Variants in NKAIN2 observed in about 807,000 individuals in gnomAD.
NKAIN2 encodes sodium/potassium-transporting ATPase subunit beta-1-interacting protein 2.
In NKAIN2, 14 loss-of-function variants were observed where a neutral mutation model predicts 32.6. The ratio of observed to expected loss-of-function variants is 0.43; its 90% CI spans 0.28 to 0.67. The LOEUF is 0.67. Ranked by LOEUF, NKAIN2 falls within the 30% of genes least tolerant of loss-of-function variation. The probability of loss-of-function intolerance (pLI) is 0.17; values close to 1 mark genes in which losing one functional copy is unlikely to be tolerated. For missense variants in NKAIN2, 198 were observed against 258.3 expected, an observed-to-expected ratio of 0.77 and a Z score of 1.60; for synonymous variants, 80 against 87.2, an observed-to-expected ratio of 0.92 and a Z score of 0.46.
At chr6:124,731,417 G>A (rs1277757265) in intron 4 of NKAIN2, among the ~76,000 whole-genome samples, 2 of 150,936 alleles carry the variant, frequency 1.3e-5, no homozygotes, top group Admixed American at 6.6e-5. Context: ...TAGGGACATG[G>A]ATGAAATTGG....
intron 1 of NKAIN2, among the ~76,000 whole-genome samples, chr6:124,187,762 G>GTTTTCCTCTGCCATACCTTCT (rs1789817366): frequency 6.6e-6 from 1 of 152,142 alleles, no homozygotes; most frequent in African/African-American, 2.4e-5. Flanking sequence ...TTCAAGTTCA[G>GTTTTCCTCTGCCATACCTTCT]TTTTCCTCTG....
At chr6:124,308,032 G>T (rs1049455006) in intron 2 of NKAIN2, among the ~76,000 whole-genome samples, 1 of 151,910 alleles carries the variant, frequency 6.6e-6, no homozygotes, top group Non-Finnish European at 1.5e-5. Flanking sequence ...GTGTAGGTTT[G>T]TTACATAGGT....
At chr6:124,541,068 T>C (rs1212564912) in intron 3 of NKAIN2, among the ~76,000 whole-genome samples, 1 of 152,216 alleles carries the variant, frequency 6.6e-6, no homozygotes, top group Non-Finnish European at 1.5e-5. Flanking sequence ...AACTATTTAG[T>C]ACTCAGTAAA....
intron 3 of NKAIN2, among the ~76,000 whole-genome samples, chr6:124,642,878 C>T (rs1300167980): frequency 6.6e-6 from 1 of 152,090 alleles, no homozygotes. Flanking sequence ...CTGACTTGGT[C>T]CCATTCTTAA....
At chr6:123,850,361 T>C (rs1300948034) in intron 1 of NKAIN2, among the ~76,000 whole-genome samples, 1 of 135,644 alleles carries the variant, frequency 7.4e-6, no homozygotes, top group Non-Finnish European at 1.6e-5. Flanking sequence ...AAAAAATATA[T>C]ATATATATAT....
At chr6:124,546,869 A>G (rs984593146) in intron 3 of NKAIN2, among the ~76,000 whole-genome samples, 5 of 152,192 alleles carry the variant, frequency 3.3e-5, no homozygotes, top group Non-Finnish European at 7.3e-5. Context: ...AGATAAACAG[A>G]GAGAAAGCAG....
At chr6:124,012,824 C>G (rs541927681) in intron 1 of NKAIN2, among the ~76,000 whole-genome samples, 74 of 152,136 alleles carry the variant, frequency 4.9e-4, no homozygotes, top group African/African-American at 1.7e-3. Context: ...ATGGATGTTG[C>G]TTTCCTTTCT....
At chr6:124,045,849 A>G (rs1782096631) in intron 1 of NKAIN2, among the ~76,000 whole-genome samples, 1 of 152,042 alleles carries the variant, frequency 6.6e-6, no homozygotes, top group South Asian at 2.1e-4. Flanking sequence ...TAGCTTAATA[A>G]TCTTTTCATA....
At chr6:124,537,681 G>T (rs919494895) in intron 3 of NKAIN2, among the ~76,000 whole-genome samples, 1 of 152,054 alleles carries the variant, frequency 6.6e-6, no homozygotes, top group African/African-American at 2.4e-5. Context: ...AATTCTGCTG[G>T]ATTCTGCTTC....
chr6:124,362,687 T>C (rs1799340358), intron 3 of NKAIN2, among the ~76,000 whole-genome samples: 1 of 152,108 alleles, frequency 6.6e-6, no homozygotes. Context: ...GTCAATTCTA[T>C]TGTCACCTTA....
intron 1 of NKAIN2, among the ~76,000 whole-genome samples, chr6:124,025,000 T>G (rs1781041579): frequency 6.6e-6 from 1 of 151,412 alleles, no homozygotes; most frequent in African/African-American, 2.4e-5. Flanking sequence ...AAAAAAGTGC[T>G]TTTCCTACTT....
intron 3 of NKAIN2, among the ~76,000 whole-genome samples, chr6:124,550,882 G>C (rs1000335838): frequency 6.6e-6 from 1 of 152,192 alleles, no homozygotes; most frequent in Non-Finnish European, 1.5e-5. Context: ...TTGTTAATGA[G>C]TGTTAGTCAA....
At chr6:123,829,343 G>A (rs571870855) in intron 1 of NKAIN2, 11 of 152,258 alleles carry the variant, frequency 7.2e-5, no homozygotes, top group African/African-American at 2.4e-4. Flanking sequence ...CATCCTGTGG[G>A]TGTCTCAAAG....
At chr6:124,658,683 G>A (rs1784633387) in intron 4 of NKAIN2, 1 of 592,948 alleles carries the variant, frequency 1.7e-6, no homozygotes, top group South Asian at 2.8e-5. Flanking sequence ...CAAGGATTCT[G>A]AAGGGATGAT....
intron 4 of NKAIN2, among the ~76,000 whole-genome samples, chr6:124,673,922 T>C (rs76673619): frequency 0.059 from 8,989 of 152,034 alleles, 362 homozygotes; most frequent in African/African-American, 0.11. Context: ...TTGCTTGTGC[T>C]TTTTATTTCA....
At chr6:124,452,203 A>T (rs1776137662) in intron 3 of NKAIN2, among the ~76,000 whole-genome samples, 1 of 151,932 alleles carries the variant, frequency 6.6e-6, no homozygotes. Context: ...TCGAAAAAAA[A>T]AAAAAAAACT....
chr6:124,730,709 T>A (rs1776620701), intron 4 of NKAIN2, among the ~76,000 whole-genome samples: 1 of 150,948 alleles, frequency 6.6e-6, no homozygotes, highest in East Asian at 2.0e-4. Context: ...AATTGACAAA[T>A]GGGATCTAAT....
intron 1 of NKAIN2, among the ~76,000 whole-genome samples, chr6:123,892,076 A>G (rs568765073): frequency 6.6e-6 from 1 of 152,100 alleles, no homozygotes; most frequent in South Asian, 2.1e-4. Context: ...GGTGTTTTTT[A>G]TTTTCTCAGA....
At chr6:124,054,783 T>C (rs1403835576) in intron 1 of NKAIN2, among the ~76,000 whole-genome samples, 7 of 151,956 alleles carry the variant, frequency 4.6e-5, no homozygotes, top group African/African-American at 1.7e-4. Context: ...GGATGGAAGA[T>C]GTGGGGAAGG....
Sources: allele counts gnomAD v4.1 joint callset (sites outside exome capture counted in the v4.1 genomes callset), GRCh38; gene constraint gnomAD v4.1.1; transcripts MANE v1.5; gene names NCBI Gene and HGNC (gene_info 2026-07-23, HGNC 2026-07-21).